Variants in SPIRE2 observed in about 807,000 individuals in gnomAD.
SPIRE2 encodes spire type actin nucleation factor 2, also known as protein spire homolog 2.
A neutral mutation model predicts 80.7 loss-of-function variants in SPIRE2; 76 were observed. The observed-to-expected ratio is 0.94, with a 90% CI of 0.78 to 1.14. The LOEUF is 1.14. SPIRE2 is among the 50% of genes most tolerant of loss of function. The probability of loss-of-function intolerance (pLI) is 0.00; values close to 1 mark genes in which losing one functional copy is unlikely to be tolerated. For missense variants in SPIRE2, 1,196 were observed against 1,015.3 expected, an observed-to-expected ratio of 1.18 and a Z score of -2.42; for synonymous variants, 535 against 432.6, an observed-to-expected ratio of 1.24 and a Z score of -2.94.
At chr16:89,855,855 C>G in intron 6 of SPIRE2, 169 bp downstream of exon 6, 1 of 899,128 alleles carries the variant, frequency 1.1e-6, no homozygotes, top group Non-Finnish European at 1.7e-6. Context: ...GTGTGCCAGC[C>G]CGGGGCTGTG....
At position 89,870,197 on chromosome 16, in the gene SPIRE2, C is replaced by T. The variant is rs748114984; in HGVS notation, c.2070C>T (p.Leu690=). ...VRSSRKSVDV[L]NTTPRRSRQT... ...CCAGCCGCAAGAGCGTGGACGTCCT[C>T]AACACTACGCCACGACGCAGTCGCC... Residue 690 remains leucine, a synonymous_variant, in exon 15 of 15, where the codon CTC becomes CTT. Coordinates refer to ENST00000378247, the MANE Select transcript of SPIRE2 (RefSeq NM_032451.2). The T allele has an allele frequency of 6.2e-7, 1 of 1,609,648 alleles. No homozygotes were observed. Among genetic ancestry groups the T allele is most frequent in the African/African-American group, 1.3e-5 (1 of 74,990 alleles).
intron 1 of SPIRE2, among the ~76,000 whole-genome samples, chr16:89,837,316 T>A (rs2041459890): frequency 6.6e-6 from 1 of 151,978 alleles, no homozygotes; most frequent in Admixed American, 6.6e-5. Context: ...AGAGTTGAGG[T>A]CTCCGTGTCA....
intron 13 of SPIRE2, 84 bp from the exon 14 acceptor site, chr16:89,869,483 C>A: frequency 3.3e-6 from 3 of 898,148 alleles, no homozygotes; most frequent in South Asian, 1.4e-5. Flanking sequence ...AGGTCCCAGA[C>A]TGGGGAGGGA....
intron 4 of SPIRE2, 43 bp downstream of exon 4, chr16:89,854,409 G>C (rs762348135): frequency 3.7e-6 from 6 of 1,611,408 alleles, no homozygotes; most frequent in East Asian, 2.2e-5. Context: ...ACGCGGCCCA[G>C]CCTGCCAAGG....
chr16:89,858,587 G>A, intron 8 of SPIRE2, 80 bp downstream of exon 8: 1 of 1,370,260 alleles, frequency 7.3e-7, no homozygotes, highest in Non-Finnish European at 9.7e-7. Context: ...GCTAAGCTAA[G>A]CCGGGGGCAG....
chr16:89,850,192 C>T (rs12598316), intron 2 of SPIRE2, 112 bp from the exon 3 acceptor site: 17 of 880,908 alleles, frequency 1.9e-5, no homozygotes, highest in East Asian at 1.1e-4. Flanking sequence ...TCTTGTGGAC[C>T]GACAGCTGCT....
chr16:89,863,326 G>A lies in SPIRE2; in HGVS notation c.1576-150G>A. The A allele has an allele frequency of 2.5e-6, 2 of 813,066 alleles. No homozygotes were observed. The highest frequency in any genetic ancestry group is 3.8e-6 in the Non-Finnish European group (2 of 527,056). The allele number at this position is 813,066 out of a possible 1,614,324, so 50.4% of individuals were successfully genotyped here. ...CCCATCAAAGACATGGGGATGGATG[G>A]CTGATGGACAAGATGGCTGATGGAC... On this transcript the variant is annotated intron_variant, in intron 10 of 14. Transcript: ENST00000378247. The surrounding 1 kb of genome is among the most constrained non-coding windows in gnomAD (Gnocchi z 4.3).
chr16:89,857,327 G>A (rs1449877141), intron 7 of SPIRE2, among the ~76,000 whole-genome samples: 3 of 151,342 alleles, frequency 2.0e-5, no homozygotes, highest in Admixed American at 2.0e-4. Context: ...GTAGAGACAG[G>A]GTCTCACTCT....
chr16:89,860,577 C>A, intron 9 of SPIRE2, 106 bp from the exon 10 acceptor site: 1 of 760,594 alleles, frequency 1.3e-6, no homozygotes, highest in South Asian at 1.6e-5. Context: ...TGACCTTTTG[C>A]TTGGTTCCCC....
Position 89,828,770 on chromosome 16 carries a change from G to A in SPIRE2, c.220G>A (p.Gly74Arg). The change falls in exon 1 of 15, where the codon GGG becomes AGG. Residue 74 changes from glycine (G) to arginine (R), a missense_variant. By Grantham distance (125) the Gly-to-Arg change is moderately radical (BLOSUM62 -2). Transcript: ENST00000378247. This position sits in a 1 kb window ranked among gnomAD's most constrained non-coding sequence, Gnocchi z 5.9. ...DLLLRGDGSV[G>R]AREPEAAEPA... is the part of the protein sequence containing the mutation. ...CCTGCTGCGCGGGGACGGCTCGGTC[G>A]GGGCGCGGGAGCCCGAGGCCGCGGG... The A allele has an allele frequency of 3.4e-6, 4 of 1,187,894 alleles. No individual in the cohort carries two copies. The highest frequency in any genetic ancestry group is 4.2e-6 in the Non-Finnish European group (4 of 959,918). 73.6% of individuals were successfully genotyped at this position (1,187,894 alleles called of 1,614,324 possible). A position where few individuals can be genotyped will look rare whatever the true frequency, so the allele number is the denominator to read the frequency against.
In SPIRE2 at chr16:89,828,993, CT is replaced by C. The variant is rs537517679; in HGVS notation, c.244+201del. Among the ~76,000 whole-genome samples, 3 of 152,302 alleles carry C rather than the reference CT, an allele frequency of 2.0e-5. No homozygotes were observed. In the South Asian group the frequency reaches 6.2e-4, roughly 32 times the overall value. On this transcript the variant is annotated intron_variant, in intron 1 of 14. Transcript: ENST00000378247. This position sits in a 1 kb window ranked among gnomAD's most constrained non-coding sequence, Gnocchi z 5.9. ...TCTTTCCTCCCTCCTTCTCTCCCTC[CT>C]TCCTCTCCCTCCCCGGCCCTGGACG...
At chr16:89,865,415 G>C (rs1400661227) in intron 12 of SPIRE2, among the ~76,000 whole-genome samples, 8 of 152,092 alleles carry the variant, frequency 5.3e-5, no homozygotes, top group Non-Finnish European at 1.0e-4. Context: ...ACTGTGATAA[G>C]TTAAAGATGT....
chr16:89,841,472 CGTT>C (rs1487390424), intron 1 of SPIRE2, among the ~76,000 whole-genome samples: 2 of 152,204 alleles, frequency 1.3e-5, no homozygotes, highest in South Asian at 2.1e-4. Flanking sequence ...TCTGTGGCCA[CGTT>C]GGTGACGTGG....
Position 89,863,822 on chromosome 16 carries a change from C to A in SPIRE2, c.1739C>A (p.Pro580Gln), listed in dbSNP as rs140874196. ...KICCCCRAKF[P>Q]LFSWPPSCLF... ...TGCTGCTGCTGCCGGGCCAAGTTCC[C>A]GCTGTTCTCGTGGCCGCCCAGCTGT... Residue 580 changes from proline (P) to glutamine (Q), a missense_variant, in exon 12 of 15, where the codon CCG becomes CAG. By Grantham distance (76) the Pro-to-Gln change is moderately conservative. Coordinates refer to ENST00000378247, the MANE Select transcript of SPIRE2 (RefSeq NM_032451.2). This position sits in a 1 kb window ranked among gnomAD's most constrained non-coding sequence, Gnocchi z 4.3. 1 of 1,614,042 alleles carries A rather than the reference C, an allele frequency of 6.2e-7. No individual in the cohort carries two copies. Among genetic ancestry groups the A allele is most frequent in the South Asian group, 1.1e-5 (1 of 91,066 alleles).
intron 1 of SPIRE2, among the ~76,000 whole-genome samples, chr16:89,840,246 T>A (rs1468116282): frequency 7.3e-6 from 1 of 137,082 alleles, no homozygotes. Context: ...ACCTGTCATC[T>A]TTTTTTTTTT....
rs558944344 is a variant in SPIRE2, at chr16:89,863,368, G to A, written c.1576-108G>A. The A allele has an allele frequency of 2.9e-5, 37 of 1,266,580 alleles. No homozygotes were observed. The Admixed American group carries it at 4.6e-4, about 16-fold the overall frequency. 78.5% of individuals were successfully genotyped at this position (1,266,580 alleles called of 1,614,324 possible). On this transcript the variant is annotated intron_variant, in intron 10 of 14. Coordinates refer to ENST00000378247, the MANE Select transcript of SPIRE2 (RefSeq NM_032451.2). The surrounding 1 kb of genome is among the most constrained non-coding windows in gnomAD (Gnocchi z 4.3). ...CTGATGGACAGCGTTTTAGAAGGTC[G>A]CAGGCTTGTTTAGGCTGAGGCCAGG...
Position 89,863,970 on chromosome 16 carries a change from T to C in SPIRE2, c.1778+109T>C. The C allele has an allele frequency of 1.3e-6, 1 of 766,518 alleles. No individual in the cohort carries two copies. The highest frequency in any genetic ancestry group is 2.2e-6 in the Non-Finnish European group (1 of 455,262). 47.5% of individuals were successfully genotyped at this position (766,518 alleles called of 1,614,324 possible). A position where few individuals can be genotyped will look rare whatever the true frequency, so the allele number is the denominator to read the frequency against. On this transcript the variant is annotated intron_variant, in intron 12 of 14. Transcript: ENST00000378247. This position sits in a 1 kb window ranked among gnomAD's most constrained non-coding sequence, Gnocchi z 4.3. ...TGATTCCAGGAATGTTCTAGCATGTTCGATGGCTGATGAGTCCACAAGATA... is the reference window on the plus strand; with the variant it reads ...TGATTCCAGGAATGTTCTAGCATGTCCGATGGCTGATGAGTCCACAAGATA...
chr16:89,837,432 A>G (rs1030491931), intron 1 of SPIRE2, among the ~76,000 whole-genome samples: 4 of 152,146 alleles, frequency 2.6e-5, no homozygotes, highest in African/African-American at 9.7e-5. Context: ...GCATAGCCGC[A>G]TCGTGAGGCG....
intron 3 of SPIRE2, 107 bp from the exon 4 acceptor site, chr16:89,854,179 G>A: frequency 9.8e-7 from 1 of 1,017,478 alleles, no homozygotes; most frequent in East Asian, 2.6e-5. Context: ...TTTTCCGGCT[G>A]GTCGAGTGGA....
Sources: gnomAD v4.1 joint callset for allele counts (sites outside exome capture counted in the v4.1 genomes callset) on GRCh38, gnomAD v4.1.1 for gene constraint, Gnocchi (gnomAD v3.1) non-coding constraint, MANE v1.5 for transcripts, NCBI Gene and HGNC (gene_info 2026-07-23, HGNC 2026-07-21) for gene names.